PDZRN4: variants seen among roughly 807,000 people sequenced by gnomAD.
PDZRN4 encodes the protein PDZ domain-containing RING finger protein 4.
PDZRN4 carries 70 observed loss-of-function variants against 99.0 expected under a neutral mutation model. The ratio of observed to expected loss-of-function variants is 0.71; its 90% CI spans 0.58 to 0.86. PDZRN4 has a LOEUF of 0.86. Ranked by LOEUF, PDZRN4 falls within the 40% of genes least tolerant of loss-of-function variation. The pLI, the probability that PDZRN4 is intolerant of heterozygous loss-of-function variation, is 0.00. For missense variants in PDZRN4, 1,474 were observed against 1,331.2 expected (o/e 1.11, Z -1.67); for synonymous variants, 551 against 501.6 (o/e 1.10, Z -1.32).
At chr12:41,467,491 C>T (rs1952939146) in intron 3 of PDZRN4, among the ~76,000 whole-genome samples, 1 of 152,134 alleles carries the variant, frequency 6.6e-6, no homozygotes, top group Non-Finnish European at 1.5e-5. Context: ...ATAGAAAAAA[C>T]ACGAAAGGAG....
intron 3 of PDZRN4, among the ~76,000 whole-genome samples, chr12:41,197,200 C>CTTGAAG (rs1281398514): frequency 1.3e-5 from 2 of 151,984 alleles, no homozygotes; most frequent in Non-Finnish European, 2.9e-5. Context: ...AAGTTATTCA[C>CTTGAAG]TTGAAGAGGA....
intron 3 of PDZRN4, among the ~76,000 whole-genome samples, chr12:41,291,147 GATATA>G (rs1290439488): frequency 6.6e-6 from 1 of 152,038 alleles, no homozygotes; most frequent in Non-Finnish European, 1.5e-5. Flanking sequence ...TTTTTGCACA[GATATA>G]ATAAAAAGAT....
intron 3 of PDZRN4, among the ~76,000 whole-genome samples, chr12:41,389,831 C>A (rs535115147): frequency 6.6e-6 from 1 of 152,304 alleles, no homozygotes; most frequent in South Asian, 2.1e-4. Context: ...GAAGAGTGAT[C>A]AGACATTTCC....
At chr12:41,296,915 G>C (rs1002347806) in intron 3 of PDZRN4, among the ~76,000 whole-genome samples, 1 of 152,154 alleles carries the variant, frequency 6.6e-6, no homozygotes, top group African/African-American at 2.4e-5. Flanking sequence ...CCATGATCAT[G>C]CCACTGCACT....
chr12:41,320,331 T>A (rs1951667504), intron 3 of PDZRN4, among the ~76,000 whole-genome samples: 1 of 152,220 alleles, frequency 6.6e-6, no homozygotes, highest in Admixed American at 6.5e-5. Flanking sequence ...TGACATTTCA[T>A]CTCTCCTGAT....
At chr12:41,552,567 G>A in intron 5 of PDZRN4, 89 bp from the exon 6 acceptor site, 1 of 975,168 alleles carries the variant, frequency 1.0e-6, no homozygotes, top group Non-Finnish European at 1.6e-6. Context: ...ATACTTGCCA[G>A]AGTAACCCAA....
intron 3 of PDZRN4, among the ~76,000 whole-genome samples, chr12:41,365,490 T>G (rs1426023152): frequency 1.3e-5 from 2 of 152,080 alleles, no homozygotes; most frequent in Non-Finnish European, 2.9e-5. Flanking sequence ...CAATTCTTAA[T>G]TTGATGACCC....
intron 3 of PDZRN4, among the ~76,000 whole-genome samples, chr12:41,454,867 T>A (rs561906161): frequency 6.6e-6 from 1 of 152,354 alleles, no homozygotes; most frequent in Admixed American, 6.5e-5. Context: ...TCTGCGATAA[T>A]GGAAATATTC....
rs573855908 is a variant in PDZRN4, at chr12:41,416,392, C to T, written c.844-90064C>T. Among the ~76,000 whole-genome samples the T allele has an allele frequency of 4.6e-5, 7 of 152,268 alleles. No individual in the cohort carries two copies. The South Asian group carries it at 1.5e-3, about 32-fold the overall frequency. On this transcript the variant is annotated intron_variant, in intron 3 of 9. Coordinates refer to ENST00000402685, the MANE Select transcript of PDZRN4 (RefSeq NM_001164595.2). ...AGGCACAGTGGCTCACACCTGTAAT[C>T]CCAGCACTTTGGAAGGCTGAGGCCG...
chr12:41,369,755 A>C (rs1266934619), intron 3 of PDZRN4, among the ~76,000 whole-genome samples: 1 of 152,034 alleles, frequency 6.6e-6, no homozygotes, highest in Non-Finnish European at 1.5e-5. Context: ...CTCTTTATAA[A>C]GTAGCAGTTA....
chr12:41,376,615 A>G (rs934095337), intron 3 of PDZRN4, among the ~76,000 whole-genome samples: 1 of 152,140 alleles, frequency 6.6e-6, no homozygotes, highest in African/African-American at 2.4e-5. Context: ...AGTTTCTAAT[A>G]TAGTTTTATT....
chr12:41,357,283 A>C (rs1758109565), intron 3 of PDZRN4, among the ~76,000 whole-genome samples: 1 of 151,858 alleles, frequency 6.6e-6, no homozygotes, highest in South Asian at 2.1e-4. Context: ...TCTGTGCCCT[A>C]TGCTACTTGC....
chr12:41,543,116 C>T (rs1938888304), intron 5 of PDZRN4, among the ~76,000 whole-genome samples: 1 of 152,148 alleles, frequency 6.6e-6, no homozygotes, highest in African/African-American at 2.4e-5. Context: ...GAACTTCTCA[C>T]CCTCCATGTA....
chr12:41,394,062 TGAG>T (rs1952228317), intron 3 of PDZRN4, among the ~76,000 whole-genome samples: 1 of 152,208 alleles, frequency 6.6e-6, no homozygotes. Flanking sequence ...GCTAGATGTC[TGAG>T]ATCAGAGTGC....
chr12:41,249,586 T>C (rs1951154951), intron 3 of PDZRN4, among the ~76,000 whole-genome samples: 1 of 152,136 alleles, frequency 6.6e-6, no homozygotes, highest in Non-Finnish European at 1.5e-5. Context: ...AGGAACATAA[T>C]TGTGATGCCC....
intron 3 of PDZRN4, among the ~76,000 whole-genome samples, chr12:41,257,262 T>A (rs888511442): frequency 6.6e-6 from 1 of 152,200 alleles, no homozygotes; most frequent in African/African-American, 2.4e-5. Context: ...CAGGTTAGAT[T>A]CAGGTGATGG....
Position 41,197,918 on chromosome 12 carries a change from G to GTTTTTTTTTTTGTTTTGTTTT in PDZRN4, c.843+3730_843+3731insTTTTTTTTTTTGTTTTGTTTT, listed in dbSNP as rs1491129322. On this transcript the variant is annotated intron_variant, in intron 3 of 9. Coordinates refer to ENST00000402685, the MANE Select transcript of PDZRN4 (RefSeq NM_001164595.2). Reference sequence around the variant, plus strand: ...TCTTCTTCTTTTCCTTGTTTTTTCTGGGTTTTTTTTTTTGGAGACAGGATC... The same window carrying GTTTTTTTTTTTGTTTTGTTTT: ...TCTTCTTCTTTTCCTTGTTTTTTCTGTTTTTTTTTTTGTTTTGTTTTGGTTTTTTTTTTTGGAGACAGGATC... Among the ~76,000 whole-genome samples, 4 of 114,566 alleles carry GTTTTTTTTTTTGTTTTGTTTT rather than the reference G, an allele frequency of 3.5e-5. 1 individual carries two copies. The East Asian group carries it at 7.9e-4, about 23-fold the overall frequency. The allele number at this position is 114,566 out of a possible 152,430, so 75.2% of individuals were successfully genotyped here.
At chr12:41,358,870 A>G (rs1385745589) in intron 3 of PDZRN4, among the ~76,000 whole-genome samples, 1 of 152,006 alleles carries the variant, frequency 6.6e-6, no homozygotes. Context: ...AGCAAAAGCC[A>G]CTCAGTAGAG....
At chr12:41,240,683 C>T (rs73120906) in intron 3 of PDZRN4, among the ~76,000 whole-genome samples, 6,882 of 152,176 alleles carry the variant, frequency 0.045, 508 homozygotes, top group African/African-American at 0.16. Context: ...CTGGCAGATG[C>T]GGTGTCTGGT....
Sources: allele counts gnomAD v4.1 joint callset (sites outside exome capture counted in the v4.1 genomes callset), GRCh38; gene constraint gnomAD v4.1.1; transcripts MANE v1.5; gene names NCBI Gene and HGNC (gene_info 2026-07-23, HGNC 2026-07-21).